GRM7: variants seen among roughly 807,000 people sequenced by gnomAD.
The protein encoded by GRM7 is glutamate metabotropic receptor 7, also known as metabotropic glutamate receptor 7.
GRM7 carries 35 observed loss-of-function variants against 84.5 expected under a neutral mutation model. The observed-to-expected ratio is 0.41, with a 90% CI of 0.32 to 0.55. GRM7 has a LOEUF of 0.55. Among genes scored for constraint, GRM7 ranks in the 20% least tolerant of loss-of-function variants. The pLI, the probability that GRM7 is intolerant of heterozygous loss-of-function variation, is 0.19. For synonymous variants in GRM7, 487 were observed against 455.1 expected (o/e 1.07, Z -0.89); for missense variants, 1,003 against 1,194.6 (o/e 0.84, Z 2.36).
intron 8 of GRM7, among the ~76,000 whole-genome samples, chr3:7,603,530 T>A (rs11713266): frequency 6.6e-6 from 1 of 152,050 alleles, no homozygotes; most frequent in Admixed American, 6.6e-5. Context: ...TTGTGCAAGC[T>A]AGTTAAATTT....
intron 1 of GRM7, among the ~76,000 whole-genome samples, chr3:6,867,324 A>T (rs1694971460): frequency 6.6e-6 from 1 of 152,182 alleles, no homozygotes; most frequent in Non-Finnish European, 1.5e-5. Context: ...GCTTCGGGAC[A>T]TTCAAGACTC....
chr3:6,986,815 C>A (rs1198828679), intron 1 of GRM7, among the ~76,000 whole-genome samples: 1 of 152,310 alleles, frequency 6.6e-6, no homozygotes, highest in East Asian at 1.9e-4. Flanking sequence ...CTCTGCCCCT[C>A]ACTTTTTCTT....
At chr3:7,377,694 G>T (rs1694410773) in intron 4 of GRM7, among the ~76,000 whole-genome samples, 1 of 152,144 alleles carries the variant, frequency 6.6e-6, no homozygotes, top group Admixed American at 6.5e-5. Flanking sequence ...GTCCCTGCAA[G>T]ACATGAACTA....
In GRM7 at chr3:7,286,925, T is replaced by TA. The variant is rs202069504; in HGVS notation, c.737-11758dup. Among the ~76,000 whole-genome samples, 597 of 152,276 alleles carry TA rather than the reference T, an allele frequency of 3.9e-3. 3 individuals carry two copies. Among genetic ancestry groups the TA allele is most frequent in the African/African-American group, 0.013 (555 of 41,566 alleles). ...GCAAATCCTGTGGCAAAAATAATGT[T>TA]ACATTGGCTTAAAATGAACAGTTAG... On this transcript the variant is annotated intron_variant, in intron 2 of 9. Transcript: ENST00000357716.
chr3:6,926,992 T>C (rs1466478030), intron 1 of GRM7, among the ~76,000 whole-genome samples: 1 of 152,226 alleles, frequency 6.6e-6, no homozygotes, highest in South Asian at 2.1e-4. Flanking sequence ...GTCAGGTCCA[T>C]GGAAGCAGCC....
At chr3:7,470,524 C>G (rs1175635701) in intron 7 of GRM7, among the ~76,000 whole-genome samples, 1 of 152,088 alleles carries the variant, frequency 6.6e-6, no homozygotes, top group Admixed American at 6.6e-5. Flanking sequence ...TGAATGTCTG[C>G]AAGATTAATA....
chr3:7,679,680 T>C (rs1700283761), intron 8 of GRM7, among the ~76,000 whole-genome samples: 1 of 152,196 alleles, frequency 6.6e-6, no homozygotes, highest in South Asian at 2.1e-4. Flanking sequence ...TTTACATGTA[T>C]GAAAGATAAA....
chr3:7,315,922 G>T (rs1026945296), intron 4 of GRM7, among the ~76,000 whole-genome samples: 6 of 152,064 alleles, frequency 3.9e-5, no homozygotes, highest in African/African-American at 1.4e-4. Flanking sequence ...CCTGACAAGT[G>T]CTATAAAGTA....
chr3:7,411,587 A>G (rs1695938466), intron 4 of GRM7, among the ~76,000 whole-genome samples: 1 of 152,162 alleles, frequency 6.6e-6, no homozygotes, highest in Non-Finnish European at 1.5e-5. Context: ...ATTTCTGCCC[A>G]ATTTTGAACT....
intron 1 of GRM7, among the ~76,000 whole-genome samples, chr3:7,067,195 A>G (rs1344493164): frequency 1.3e-5 from 2 of 152,002 alleles, no homozygotes; most frequent in African/African-American, 4.8e-5. Context: ...AGAAAGAAAT[A>G]AAGGGTATCC....
At chr3:7,116,009 A>G (rs1479619998) in intron 1 of GRM7, among the ~76,000 whole-genome samples, 2 of 152,146 alleles carry the variant, frequency 1.3e-5, no homozygotes, top group Non-Finnish European at 2.9e-5. Flanking sequence ...GAGGGCTCTT[A>G]TGCAAAGACC....
At chr3:7,541,496 A>G (rs1037175710) in intron 7 of GRM7, among the ~76,000 whole-genome samples, 3 of 152,164 alleles carry the variant, frequency 2.0e-5, no homozygotes, top group Non-Finnish European at 2.9e-5. Flanking sequence ...ACTCTGTATG[A>G]TTCACAGTTT....
At chr3:7,129,733 G>A (rs1257566951) in intron 1 of GRM7, among the ~76,000 whole-genome samples, 2 of 152,224 alleles carry the variant, frequency 1.3e-5, no homozygotes, top group Non-Finnish European at 2.9e-5. Context: ...CAGCGCTGCA[G>A]AAGTAGCCTG....
rs534388700 is a variant in GRM7, at chr3:7,023,902, G to A, written c.520-122550G>A. ...AGGACTAAACAAAGTGTGATGGCAT[G>A]GATTCTATCGCTCTTCAGGGCAGAG... On this transcript the variant is annotated intron_variant, in intron 1 of 9. Coordinates refer to ENST00000357716, the MANE Select transcript of GRM7 (RefSeq NM_000844.4). Among the ~76,000 whole-genome samples the A allele has an allele frequency of 7.2e-5, 11 of 152,286 alleles. No individual in the cohort carries two copies. The East Asian group carries it at 2.1e-3, about 29-fold the overall frequency.
chr3:7,172,488 C>A (rs1247203329), intron 2 of GRM7, among the ~76,000 whole-genome samples: 1 of 152,004 alleles, frequency 6.6e-6, no homozygotes, highest in Non-Finnish European at 1.5e-5. Flanking sequence ...ACAGTGCTCA[C>A]ATCTTTTAGA....
At chr3:7,563,745 T>C (rs1694136854) in intron 7 of GRM7, among the ~76,000 whole-genome samples, 1 of 152,150 alleles carries the variant, frequency 6.6e-6, no homozygotes, top group Non-Finnish European at 1.5e-5. Context: ...AAATGAAAAG[T>C]CTGCACTGTC....
chr3:7,258,256 C>G (rs1231991987), intron 2 of GRM7, among the ~76,000 whole-genome samples: 1 of 152,086 alleles, frequency 6.6e-6, no homozygotes, highest in Non-Finnish European at 1.5e-5. Context: ...TTTCTTACTT[C>G]ATTTGTATCA....
At chr3:7,567,638 TG>T (rs1694368725) in intron 7 of GRM7, among the ~76,000 whole-genome samples, 1 of 150,750 alleles carries the variant, frequency 6.6e-6, no homozygotes, top group Non-Finnish European at 1.5e-5. Flanking sequence ...TCCCAGCTAC[TG>T]GGGAAGGCTG....
chr3:7,217,054 G>A (rs1259874635), intron 2 of GRM7, among the ~76,000 whole-genome samples: 1 of 152,098 alleles, frequency 6.6e-6, no homozygotes, highest in African/African-American at 2.4e-5. Flanking sequence ...CTTGAAGGTA[G>A]TTTGCCTGCT....
Sources: gnomAD v4.1 joint callset for allele counts (sites outside exome capture counted in the v4.1 genomes callset) on GRCh38, gnomAD v4.1.1 for gene constraint, MANE v1.5 for transcripts, NCBI Gene and HGNC (gene_info 2026-07-23, HGNC 2026-07-21) for gene names.